Variants in NCOA1 observed in about 807,000 individuals in gnomAD.
NCOA1 encodes nuclear receptor coactivator 1, also known as Hin-2 protein.
A neutral mutation model predicts 150.9 loss-of-function variants in NCOA1; 35 were observed. The observed-to-expected ratio is 0.23, with a 90% CI of 0.18 to 0.31. The LOEUF (loss-of-function observed/expected upper bound fraction) is 0.31. Among genes scored for constraint, NCOA1 ranks in the 10% least tolerant of loss-of-function variants. The pLI is 1.00. For missense variants in NCOA1, 1,491 were observed against 1,749.3 expected (o/e 0.85, Z 2.63); for synonymous variants, 590 against 630.0 (o/e 0.94, Z 0.95).
intron 1 of NCOA1, among the ~76,000 whole-genome samples, chr2:24,519,731 A>G (rs995758480): frequency 2.6e-5 from 4 of 151,608 alleles, no homozygotes; most frequent in African/African-American, 9.7e-5. Context: ...GGAGGCTGAG[A>G]TGGGAGGATT....
intron 8 of NCOA1, among the ~76,000 whole-genome samples, chr2:24,689,354 A>G (rs1672555726): frequency 6.6e-6 from 1 of 152,032 alleles, no homozygotes; most frequent in Admixed American, 6.5e-5. Flanking sequence ...ATTCATGAGC[A>G]TGGGATGTTT....
chr2:24,506,687 A>G (rs1663710945), intron 1 of NCOA1, among the ~76,000 whole-genome samples: 2 of 152,168 alleles, frequency 1.3e-5, no homozygotes, highest in African/African-American at 4.8e-5. Flanking sequence ...AGTACCTATA[A>G]TTGGCAGTAT....
rs531939336 is a variant in NCOA1 at position 24,673,538 on chromosome 2, C to A, written c.354+75C>A. 1.7e-5 allele frequency: 14 copies of A among 830,282 alleles called. No individual in the cohort carries two copies. In the East Asian group the frequency reaches 3.6e-4, roughly 22 times the overall value. The allele number at this position is 830,282 out of a possible 1,614,324, so 51.4% of individuals were successfully genotyped here. The stretch of plus-strand genomic sequence containing the variant: ...AGTTTGGTTTTTTCTTTTTTAAATG[C>A]CTTATATCCAGTTAATAAATTATAA... On this transcript the variant is annotated intron_variant, in intron 7 of 22. Transcript: ENST00000348332.
chr2:24,681,353 A>G (rs1672156340), intron 7 of NCOA1, among the ~76,000 whole-genome samples: 1 of 152,168 alleles, frequency 6.6e-6, no homozygotes, highest in Admixed American at 6.5e-5. Flanking sequence ...AAGGAAAAGA[A>G]AAAAAGGGCC....
chr2:24,567,773 C>T (rs1666573784), intron 2 of NCOA1, among the ~76,000 whole-genome samples: 1 of 151,996 alleles, frequency 6.6e-6, no homozygotes, highest in Non-Finnish European at 1.5e-5. Context: ...TTTTTTAAGA[C>T]AGTCTCATTT....
At chr2:24,717,823 C>G (rs1192716480) in intron 14 of NCOA1, among the ~76,000 whole-genome samples, 1 of 151,578 alleles carries the variant, frequency 6.6e-6, no homozygotes, top group Non-Finnish European at 1.5e-5. Context: ...CCAATCTAAA[C>G]ACTGGGCAAA....
intron 3 of NCOA1, among the ~76,000 whole-genome samples, chr2:24,618,454 A>G (rs1668970903): frequency 6.6e-6 from 1 of 152,220 alleles, no homozygotes; most frequent in South Asian, 2.1e-4. Context: ...CCTTGTAACT[A>G]GTTTACCATC....
Position 24,626,946 on chromosome 2 carries a change from C to A in NCOA1, c.-174-17020C>A, listed in dbSNP as rs529745617. On this transcript the variant is annotated intron_variant, in intron 3 of 22. Transcript: ENST00000348332. Reference sequence around the variant, plus strand: ...AACTCTGTATCCCTAGCACTTGGTACAATGCCTATCACATATTAGGCTTTT... The same window carrying A: ...AACTCTGTATCCCTAGCACTTGGTAAAATGCCTATCACATATTAGGCTTTT... 3.1e-4 allele frequency among the ~76,000 whole-genome samples: 47 copies of A among 152,204 alleles called. No homozygotes were observed. In the South Asian group the frequency reaches 9.8e-3, roughly 32 times the overall value.
intron 1 of NCOA1, among the ~76,000 whole-genome samples, chr2:24,557,469 C>G (rs780891891): frequency 4.2e-4 from 64 of 151,960 alleles, no homozygotes; most frequent in Non-Finnish European, 7.1e-4. Context: ...TTCCAATGCT[C>G]TTCGTCTTTG....
At chr2:24,695,208 A>C (rs1240980943) in intron 10 of NCOA1, among the ~76,000 whole-genome samples, 3 of 152,318 alleles carry the variant, frequency 2.0e-5, no homozygotes, top group African/African-American at 7.2e-5. Context: ...TATACCTGGT[A>C]ATATGTATAA....
intron 2 of NCOA1, among the ~76,000 whole-genome samples, chr2:24,571,077 T>C (rs558178064): frequency 4.6e-5 from 7 of 152,304 alleles, no homozygotes; most frequent in African/African-American, 1.4e-4. Context: ...CGATACATAA[T>C]GAAATATTGA....
intron 11 of NCOA1, among the ~76,000 whole-genome samples, chr2:24,703,100 TA>T (rs1287191927): frequency 6.6e-6 from 1 of 152,252 alleles, no homozygotes; most frequent in Non-Finnish European, 1.5e-5. Context: ...TACTCCATGC[TA>T]GGCTCCGTGC....
intron 14 of NCOA1, among the ~76,000 whole-genome samples, chr2:24,714,295 C>T (rs1025655947): frequency 6.6e-6 from 1 of 152,118 alleles, no homozygotes; most frequent in Non-Finnish European, 1.5e-5. Flanking sequence ...GCATTATATT[C>T]ATAATTTCCA....
intron 2 of NCOA1, among the ~76,000 whole-genome samples, chr2:24,579,516 CT>C (rs1667116307): frequency 6.6e-6 from 1 of 152,268 alleles, no homozygotes; most frequent in Admixed American, 6.5e-5. Context: ...TCCCCAAACC[CT>C]GATGAGAGAC....
rs1005576358 is a variant in NCOA1 at position 24,622,175 on chromosome 2, CTG to C, written c.-174-21789_-174-21788del. 2.2e-4 allele frequency among the ~76,000 whole-genome samples: 34 copies of C among 152,302 alleles called. No individual in the cohort carries two copies. In the Middle Eastern group the frequency reaches 0.01, roughly 46 times the overall value. On this transcript the variant is annotated intron_variant, in intron 3 of 22. Transcript: ENST00000348332. ...TACAGGAATTTGACCTAAATAAGAA[CTG>C]TTGTTTTTTTTCCCTTCTGAGGAGA...
chr2:24,519,524 TAAAAAG>T (rs2148131230), intron 1 of NCOA1, among the ~76,000 whole-genome samples: 1 of 151,902 alleles, frequency 6.6e-6, no homozygotes, highest in South Asian at 2.1e-4. Flanking sequence ...CTGTAACTAT[TAAAAAG>T]AAAACACGGT....
In NCOA1 at chr2:24,746,353, G is replaced by A. The variant is rs146292441; in HGVS notation, c.3706+4167G>A. On this transcript the variant is annotated intron_variant, in intron 19 of 22. Coordinates refer to ENST00000348332, the MANE Select transcript of NCOA1 (RefSeq NM_003743.5). ...AGGTCAGGAGTTTGAGACCAGCCTG[G>A]CCGACATGGCGAAACTCCATCTCTA... 7.8e-3 allele frequency among the ~76,000 whole-genome samples: 1,187 copies of A among 152,224 alleles called. 16 individuals carry two copies. Among genetic ancestry groups the A allele is most frequent in the African/African-American group, 0.027 (1,112 of 41,534 alleles).
chr2:24,551,692 T>A (rs1316974525), intron 1 of NCOA1, among the ~76,000 whole-genome samples: 1 of 152,230 alleles, frequency 6.6e-6, no homozygotes, highest in Non-Finnish European at 1.5e-5. Flanking sequence ...TGTTTGGCTC[T>A]CTGCAGGATA....
intron 3 of NCOA1, among the ~76,000 whole-genome samples, chr2:24,615,654 G>A (rs1572494747): frequency 6.6e-6 from 1 of 152,116 alleles, no homozygotes; most frequent in Non-Finnish European, 1.5e-5. Flanking sequence ...GAGATAAAAC[G>A]GTGAGTGAGA....
Sources: gnomAD v4.1 joint callset for allele counts (sites outside exome capture counted in the v4.1 genomes callset) on GRCh38, gnomAD v4.1.1 for gene constraint, MANE v1.5 for transcripts, NCBI Gene and HGNC (gene_info 2026-07-23, HGNC 2026-07-21) for gene names.